PBX3: variants seen among roughly 807,000 people sequenced by gnomAD.
PBX3 encodes the protein pre-B-cell leukemia transcription factor 3.
Under a neutral mutation model 48.5 loss-of-function variants are expected in PBX3, and 14 were observed. The observed-to-expected ratio is 0.29, with a 90% CI of 0.19 to 0.45. PBX3 has a LOEUF of 0.45. PBX3 is among the 20% of genes least tolerant of loss of function. The pLI, the probability that PBX3 is intolerant of heterozygous loss-of-function variation, is 1.00. For synonymous variants in PBX3, 210 were observed against 200.3 expected (o/e 1.05, Z -0.41); for missense variants, 386 against 546.7 (o/e 0.71, Z 2.93).
At chr9:125,773,339 A>G (rs1588131979) in intron 2 of PBX3, among the ~76,000 whole-genome samples, 1 of 152,154 alleles carries the variant, frequency 6.6e-6, no homozygotes. Flanking sequence ...TTCAGATCCT[A>G]GCCTGGATGT....
At chr9:125,805,986 A>G (rs1481533436) in intron 2 of PBX3, among the ~76,000 whole-genome samples, 3 of 152,324 alleles carry the variant, frequency 2.0e-5, no homozygotes, top group South Asian at 4.1e-4. Flanking sequence ...TTTTATTTCT[A>G]TATATCTATG....
intron 2 of PBX3, among the ~76,000 whole-genome samples, chr9:125,800,804 A>C (rs1264635539): frequency 1.5e-5 from 2 of 133,002 alleles, no homozygotes; most frequent in Non-Finnish European, 3.1e-5. Context: ...CCCGAGCTGG[A>C]GTGCAATGGC....
At chr9:125,757,509 A>G (rs1194361659) in intron 2 of PBX3, among the ~76,000 whole-genome samples, 2 of 152,312 alleles carry the variant, frequency 1.3e-5, no homozygotes, top group South Asian at 2.1e-4. Context: ...CTGTTGGTCC[A>G]TTAAAAGATA....
chr9:125,843,856 C>A (rs1839354003), intron 2 of PBX3: 1 of 455,456 alleles, frequency 2.2e-6, no homozygotes, highest in South Asian at 1.6e-5. Context: ...GAGGCAATTA[C>A]AGCTTAATGG....
chr9:125,784,784 G>A (rs959510025), intron 2 of PBX3, among the ~76,000 whole-genome samples: 1 of 152,068 alleles, frequency 6.6e-6, no homozygotes, highest in Non-Finnish European at 1.5e-5. Context: ...TCTCTGTTTG[G>A]GGACATTCCT....
At chr9:125,925,222 C>G (rs565996491) in intron 3 of PBX3, among the ~76,000 whole-genome samples, 39 of 152,096 alleles carry the variant, frequency 2.6e-4, no homozygotes, top group Non-Finnish European at 4.9e-4. Flanking sequence ...TCAAAGATTA[C>G]CTAGCATAGC....
At chr9:125,779,197 A>G (rs1220454472) in intron 2 of PBX3, among the ~76,000 whole-genome samples, 4 of 137,502 alleles carry the variant, frequency 2.9e-5, no homozygotes, top group African/African-American at 5.4e-5. Flanking sequence ...ACTCAGCATA[A>G]TGTTTTCAAG....
At chr9:125,905,468 G>T (rs374786316) in intron 2 of PBX3, among the ~76,000 whole-genome samples, 4 of 152,002 alleles carry the variant, frequency 2.6e-5, no homozygotes, top group Non-Finnish European at 5.9e-5. Flanking sequence ...ATCAAAGGGA[G>T]ATTAAATCTA....
At chr9:125,765,707 G>C (rs958223295) in intron 2 of PBX3, among the ~76,000 whole-genome samples, 1 of 152,032 alleles carries the variant, frequency 6.6e-6, no homozygotes, top group Non-Finnish European at 1.5e-5. Context: ...CTTGGGTCTT[G>C]TACTACCATT....
intron 2 of PBX3, among the ~76,000 whole-genome samples, chr9:125,774,344 A>G (rs151336861): frequency 1.4e-3 from 217 of 152,362 alleles, no homozygotes; most frequent in African/African-American, 4.9e-3. Flanking sequence ...ACAGTTTGAC[A>G]TAAGATTTGG....
chr9:125,877,250 G>A lies in PBX3; in HGVS notation c.275-38436G>A, dbSNP rs552923895. Among the ~76,000 whole-genome samples the A allele has an allele frequency of 1.3e-4, 20 of 152,252 alleles. No individual in the cohort carries two copies. In the South Asian group the frequency reaches 2.3e-3, roughly 17 times the overall value. On this transcript the variant is annotated intron_variant, in intron 2 of 8. Coordinates refer to ENST00000373489, the MANE Select transcript of PBX3 (RefSeq NM_006195.6). ...TCATAAACCAAAAAATCAGAATACCGTAATAATAAAACCTTCCCTACTTAA... is the reference window on the plus strand; with the variant it reads ...TCATAAACCAAAAAATCAGAATACCATAATAATAAAACCTTCCCTACTTAA...
chr9:125,922,275 A>T (rs1183624318), intron 3 of PBX3, among the ~76,000 whole-genome samples: 2 of 152,182 alleles, frequency 1.3e-5, no homozygotes, highest in Non-Finnish European at 2.9e-5. Flanking sequence ...ACAAAGACTC[A>T]TAATAAAAAT....
intron 2 of PBX3, among the ~76,000 whole-genome samples, chr9:125,799,540 G>A (rs1837879295): frequency 6.6e-6 from 1 of 152,160 alleles, no homozygotes; most frequent in Non-Finnish European, 1.5e-5. Flanking sequence ...CTTATTTTAG[G>A]AAGGGTTTGT....
chr9:125,835,937 A>G (rs1446840330), intron 2 of PBX3, among the ~76,000 whole-genome samples: 1 of 152,242 alleles, frequency 6.6e-6, no homozygotes, highest in Non-Finnish European at 1.5e-5. Flanking sequence ...AAGATATAGA[A>G]TCAGCCTTAG....
intron 2 of PBX3, among the ~76,000 whole-genome samples, chr9:125,879,791 T>C (rs550861928): frequency 6.6e-6 from 1 of 152,316 alleles, no homozygotes; most frequent in East Asian, 1.9e-4. Context: ...TTTTAATACC[T>C]TTTATTATTT....
intron 2 of PBX3, among the ~76,000 whole-genome samples, chr9:125,808,066 G>A (rs1000463612): frequency 5.3e-5 from 8 of 152,220 alleles, no homozygotes; most frequent in Middle Eastern, 3.4e-3. Flanking sequence ...GTCCAGATAG[G>A]GATAAAGTCT....
intron 2 of PBX3, among the ~76,000 whole-genome samples, chr9:125,781,919 C>T (rs1293672603): frequency 6.6e-6 from 1 of 151,248 alleles, no homozygotes; most frequent in Admixed American, 6.6e-5. Flanking sequence ...CCTTTTTGTT[C>T]CTCATTCCCT....
intron 5 of PBX3, among the ~76,000 whole-genome samples, chr9:125,942,778 G>A (rs1472628304): frequency 6.6e-6 from 1 of 152,192 alleles, no homozygotes; most frequent in African/African-American, 2.4e-5. Context: ...TATCCCAGTG[G>A]AGGTGGGACA....
intron 2 of PBX3, among the ~76,000 whole-genome samples, chr9:125,790,182 A>G (rs1837560125): frequency 6.6e-6 from 1 of 152,228 alleles, no homozygotes; most frequent in Non-Finnish European, 1.5e-5. Context: ...TGAGGGAAAG[A>G]TAATTTTGAT....
Sources: allele counts gnomAD v4.1 joint callset (sites outside exome capture counted in the v4.1 genomes callset), GRCh38; gene constraint gnomAD v4.1.1; transcripts MANE v1.5; gene names NCBI Gene and HGNC (gene_info 2026-07-23, HGNC 2026-07-21).